The following FNDC3B variants were observed in gnomAD, a reference collection of about 807,000 sequenced individuals.
FNDC3B encodes fibronectin type III domain-containing protein 3B.
In FNDC3B, 12 loss-of-function variants were observed where a neutral mutation model predicts 151.5. The observed-to-expected ratio is 0.08, with a 90% CI of 0.05 to 0.13. The LOEUF (loss-of-function observed/expected upper bound fraction) is 0.13, where lower values mean the gene tolerates loss of function less well. Ranked by LOEUF, FNDC3B falls within the 10% of genes least tolerant of loss-of-function variation. The pLI is 1.00. For synonymous variants in FNDC3B, 528 were observed against 549.0 expected (o/e 0.96, Z 0.54); for missense variants, 1,214 against 1,505.3 (o/e 0.81, Z 3.20).
intron 3 of FNDC3B, among the ~76,000 whole-genome samples, chr3:172,210,485 G>C (rs1162907237): frequency 6.6e-6 from 1 of 152,098 alleles, no homozygotes; most frequent in Non-Finnish European, 1.5e-5. Flanking sequence ...GGGACTACAA[G>C]TGTGTGACAT....
intron 25 of FNDC3B, among the ~76,000 whole-genome samples, chr3:172,387,946 T>C (rs2108384845): frequency 6.6e-6 from 1 of 152,332 alleles, no homozygotes; most frequent in South Asian, 2.1e-4. Context: ...CATTTCCCCT[T>C]GAGCCTGGTA....
At chr3:172,175,735 C>T (rs1243448909) in intron 3 of FNDC3B, among the ~76,000 whole-genome samples, 1 of 152,184 alleles carries the variant, frequency 6.6e-6, no homozygotes, top group Non-Finnish European at 1.5e-5. Flanking sequence ...TATGTAAACA[C>T]ATGATTACCA....
At chr3:172,192,166 TG>T (rs1244490175) in intron 3 of FNDC3B, among the ~76,000 whole-genome samples, 1 of 119,724 alleles carries the variant, frequency 8.4e-6, no homozygotes, top group Non-Finnish European at 1.7e-5. Context: ...TTTTTTTGTG[TG>T]TGTTTTTTGT....
At chr3:172,210,040 G>GAAGC (rs770949615) in intron 3 of FNDC3B, among the ~76,000 whole-genome samples, 133 of 152,342 alleles carry the variant, frequency 8.7e-4, no homozygotes, top group Non-Finnish European at 1.5e-3. Context: ...CCAGGGAGTG[G>GAAGC]AAGCAGGCAC....
intron 3 of FNDC3B, among the ~76,000 whole-genome samples, chr3:172,171,536 G>A (rs961292918): frequency 6.6e-6 from 1 of 151,960 alleles, no homozygotes; most frequent in African/African-American, 2.4e-5. Flanking sequence ...GATGGGGTTG[G>A]GGGAGGTTTA....
chr3:172,087,474 T>G (rs1718604669), intron 1 of FNDC3B, among the ~76,000 whole-genome samples: 1 of 152,190 alleles, frequency 6.6e-6, no homozygotes, highest in South Asian at 2.1e-4. Context: ...AGCTTATAAC[T>G]TGGTTAGATT....
intron 16 of FNDC3B, among the ~76,000 whole-genome samples, chr3:172,339,860 A>G (rs996847998): frequency 4.6e-5 from 7 of 152,174 alleles, no homozygotes; most frequent in African/African-American, 1.7e-4. Context: ...CTGTAATATC[A>G]GGATAATTGC....
chr3:172,050,158 T>C (rs1716569695), intron 1 of FNDC3B, among the ~76,000 whole-genome samples: 1 of 152,072 alleles, frequency 6.6e-6, no homozygotes. Flanking sequence ...TTTCATTAAG[T>C]GATGGGATAC....
chr3:172,304,705 T>C (rs928762075), intron 9 of FNDC3B, among the ~76,000 whole-genome samples: 2 of 152,178 alleles, frequency 1.3e-5, no homozygotes, highest in African/African-American at 4.8e-5. Flanking sequence ...AAGACCAGCC[T>C]GGCCAACGTG....
chr3:172,136,388 G>A (rs1265947484), intron 3 of FNDC3B, among the ~76,000 whole-genome samples: 3 of 152,136 alleles, frequency 2.0e-5, no homozygotes, highest in Admixed American at 6.5e-5. Flanking sequence ...GGGAGTATTG[G>A]TTTAGAACTC....
chr3:172,151,452 C>T (rs940229525), intron 3 of FNDC3B, among the ~76,000 whole-genome samples: 1 of 152,150 alleles, frequency 6.6e-6, no homozygotes, highest in African/African-American at 2.4e-5. Context: ...CGACTCCACT[C>T]CCCACTCCCC....
chr3:172,127,168 A>G, intron 2 of FNDC3B: 1 of 435,540 alleles, frequency 2.3e-6, no homozygotes, highest in Non-Finnish European at 4.6e-6. Context: ...TGTTACTGGT[A>G]GGAATTTGAA....
chr3:172,061,373 C>T (rs898761763), intron 1 of FNDC3B, among the ~76,000 whole-genome samples: 4 of 151,962 alleles, frequency 2.6e-5, no homozygotes, highest in Non-Finnish European at 4.4e-5. Flanking sequence ...GCTGGGATTA[C>T]AGGTGCCCGC....
intron 1 of FNDC3B, among the ~76,000 whole-genome samples, chr3:172,053,317 C>G (rs994201794): frequency 1.3e-5 from 2 of 152,044 alleles, no homozygotes; most frequent in African/African-American, 4.8e-5. Flanking sequence ...GATTTTAAAA[C>G]TTTTTTTTAA....
chr3:172,321,667 A>G, intron 11 of FNDC3B: 1 of 188,108 alleles, frequency 5.3e-6, no homozygotes, highest in Non-Finnish European at 1.1e-5. Flanking sequence ...CAGCCTCCTG[A>G]GTAGCTGGGA....
At chr3:172,305,539 C>T (rs1280083196) in intron 9 of FNDC3B, among the ~76,000 whole-genome samples, 1 of 152,214 alleles carries the variant, frequency 6.6e-6, no homozygotes, top group African/African-American at 2.4e-5. Context: ...GATACAGGTT[C>T]AGTTTTTCTG....
chr3:172,232,790 C>T (rs1334322767), intron 4 of FNDC3B, among the ~76,000 whole-genome samples: 2 of 152,200 alleles, frequency 1.3e-5, no homozygotes, highest in African/African-American at 4.8e-5. Flanking sequence ...GGCCTTTCTT[C>T]AGATTCCATC....
At chr3:172,241,552 A>G (rs889725817) in intron 4 of FNDC3B, among the ~76,000 whole-genome samples, 2 of 148,796 alleles carry the variant, frequency 1.3e-5, no homozygotes, top group South Asian at 2.2e-4. Flanking sequence ...CACATCTTAC[A>G]TGGATGGCAG....
intron 8 of FNDC3B, among the ~76,000 whole-genome samples, chr3:172,297,770 G>A (rs34795815): frequency 0.28 from 36,996 of 133,170 alleles, 4,732 homozygotes; most frequent in African/African-American, 0.39. Context: ...CACCGCGCCC[G>A]GCCTTTTTTT....
Sources: allele counts gnomAD v4.1 joint callset (sites outside exome capture counted in the v4.1 genomes callset), GRCh38; gene constraint gnomAD v4.1.1; transcripts MANE v1.5; gene names NCBI Gene and HGNC (gene_info 2026-07-23, HGNC 2026-07-21).